Variants in RIMOC1 observed in about 807,000 individuals in gnomAD.
RIMOC1 encodes the protein RAB7A-interacting MON1-CCZ1 complex subunit 1.
At chr5:41,918,388 C>T in the RIMOC1 span, 5 of 985,674 alleles carry the variant, frequency 5.1e-6, no homozygotes, top group African/African-American at 8.7e-5. Context: ...TTCTTACCCC[C>T]TTTTCTTGAC....
the RIMOC1 span, chr5:41,911,257 G>GAC: frequency 7.5e-7 from 1 of 1,332,176 alleles, no homozygotes; most frequent in Non-Finnish European, 1.0e-6. Flanking sequence ...GTACTACTAA[G>GAC]AGTAGTGGAT....
At chr5:41,916,839 T>C in the RIMOC1 span, among the ~76,000 whole-genome samples, 1 of 152,214 alleles carries the variant, frequency 6.6e-6, no homozygotes, top group African/African-American at 2.4e-5. Flanking sequence ...AAAATCGATA[T>C]TAAAAAATGC....
the RIMOC1 span, among the ~76,000 whole-genome samples, chr5:41,905,962 A>G: frequency 6.6e-6 from 1 of 152,006 alleles, no homozygotes; most frequent in East Asian, 1.9e-4. Flanking sequence ...TCTTAAAAAT[A>G]TTACAAGATT....
chr5:41,918,671 T>TA, the RIMOC1 span: 1 of 985,286 alleles, frequency 1.0e-6, no homozygotes, highest in African/African-American at 1.7e-5. Flanking sequence ...ATGTAAACCT[T>TA]ATGTTTGTTA....
chr5:41,909,839 A>T, the RIMOC1 span: 1 of 1,593,252 alleles, frequency 6.3e-7, no homozygotes. Flanking sequence ...AGAGCTGATT[A>T]GTTTTCTTTC....
the RIMOC1 span, chr5:41,909,680 C>A: frequency 8.4e-7 from 1 of 1,194,086 alleles, no homozygotes; most frequent in Admixed American, 3.0e-5. Context: ...CAAGGTTAGA[C>A]TGTAAGAATT....
At chr5:41,911,274 G>A in the RIMOC1 span, 2 of 1,156,418 alleles carry the variant, frequency 1.7e-6, no homozygotes, top group Non-Finnish European at 2.4e-6. Flanking sequence ...GGATCAAAGG[G>A]TCTGAGTTTG....
chr5:41,916,958 A>G, the RIMOC1 span: 1 of 1,429,168 alleles, frequency 7.0e-7, no homozygotes, highest in Non-Finnish European at 9.4e-7. Context: ...TTAGTTAATA[A>G]CTACGGTTTC....
the RIMOC1 span, chr5:41,907,932 T>C: frequency 1.3e-6 from 1 of 774,588 alleles, no homozygotes; most frequent in Non-Finnish European, 2.1e-6. Context: ...ATGAAATCAG[T>C]TTATTCTATA....
At chr5:41,904,578 C>A in the RIMOC1 span, 7,939 of 1,014,310 alleles carry the variant, frequency 7.8e-3, 348 homozygotes, top group Admixed American at 0.098. Flanking sequence ...GGTCCCAGGC[C>A]GCAGGTGGTT....
At chr5:41,918,674 G>A in the RIMOC1 span, 5 of 985,354 alleles carry the variant, frequency 5.1e-6, no homozygotes, top group Non-Finnish European at 6.0e-6. Context: ...TAAACCTTAT[G>A]TTTGTTACTA....
the RIMOC1 span, chr5:41,918,361 C>G: frequency 1.0e-6 from 1 of 985,804 alleles, no homozygotes; most frequent in East Asian, 1.1e-4. Flanking sequence ...TATGCTCATT[C>G]CACATTCTTC....
At chr5:41,916,032 A>G in the RIMOC1 span, among the ~76,000 whole-genome samples, 7 of 152,250 alleles carry the variant, frequency 4.6e-5, no homozygotes, top group Non-Finnish European at 2.9e-5. Context: ...TTGTTGAATC[A>G]TATTAGGTGA....
chr5:41,907,531 A>G, the RIMOC1 span, among the ~76,000 whole-genome samples: 1 of 152,094 alleles, frequency 6.6e-6, no homozygotes, highest in African/African-American at 2.4e-5. Context: ...TGTAGGAAAA[A>G]TTTTCATGAT....
At chr5:41,912,166 C>G in the RIMOC1 span, 1 of 1,596,450 alleles carries the variant, frequency 6.3e-7, no homozygotes, top group Non-Finnish European at 8.6e-7. Context: ...CTAGACACAG[C>G]TAAATTACTG....
the RIMOC1 span, among the ~76,000 whole-genome samples, chr5:41,908,590 G>C: frequency 3.3e-5 from 5 of 152,060 alleles, no homozygotes; most frequent in Non-Finnish European, 7.4e-5. Flanking sequence ...GATAGCTTCT[G>C]CCTTCAAACA....
chr5:41,908,988 TA>T, the RIMOC1 span, among the ~76,000 whole-genome samples: 1 of 152,146 alleles, frequency 6.6e-6, no homozygotes, highest in Non-Finnish European at 1.5e-5. Flanking sequence ...TCTAGTACCT[TA>T]CATATGTTAA....
At chr5:41,907,050 A>G in the RIMOC1 span, among the ~76,000 whole-genome samples, 1 of 152,174 alleles carries the variant, frequency 6.6e-6, no homozygotes, top group Non-Finnish European at 1.5e-5. Flanking sequence ...CAAAGGGATT[A>G]TGACATTAGA....
At chr5:41,921,152 G>A in the RIMOC1 span, 3 of 152,566 alleles carry the variant, frequency 2.0e-5, no homozygotes, top group African/African-American at 7.2e-5. Context: ...AGTGAGGTGA[G>A]GGTCGTGGCT....
Sources: gnomAD v4.1 joint callset for allele counts (sites outside exome capture counted in the v4.1 genomes callset) on GRCh38, gnomAD v4.1.1 for gene constraint, MANE v1.5 for transcripts, NCBI Gene and HGNC (gene_info 2026-07-23, HGNC 2026-07-21) for gene names.